The following TRPC7 variants were observed in gnomAD, a reference collection of about 807,000 sequenced individuals.
The protein encoded by TRPC7 is transient receptor potential cation channel subfamily C member 7.
TRPC7 carries 42 observed loss-of-function variants against 90.1 expected under a neutral mutation model. The ratio of observed to expected loss-of-function variants is 0.47; its 90% CI spans 0.36 to 0.60. TRPC7 has a LOEUF of 0.60. TRPC7 is among the 20% of genes least tolerant of loss of function. The probability of loss-of-function intolerance (pLI) is 0.00; values close to 1 mark genes in which losing one functional copy is unlikely to be tolerated. For missense variants in TRPC7, 955 were observed against 1,112.3 expected, an observed-to-expected ratio of 0.86 and a Z score of 2.01; for synonymous variants, 451 against 436.3, an observed-to-expected ratio of 1.03 and a Z score of -0.42.
chr5:136,272,490 A>C (rs1049129090), intron 4 of TRPC7, among the ~76,000 whole-genome samples: 3 of 152,176 alleles, frequency 2.0e-5, no homozygotes, highest in Non-Finnish European at 4.4e-5. Flanking sequence ...AGCAAGTTCA[A>C]CAGCTCTTTA....
chr5:136,283,925 T>G (rs1192498140), intron 3 of TRPC7, among the ~76,000 whole-genome samples: 4 of 152,194 alleles, frequency 2.6e-5, no homozygotes, highest in Admixed American at 2.6e-4. Context: ...TCTTCACATG[T>G]AGAGTGCACA....
intron 3 of TRPC7, among the ~76,000 whole-genome samples, chr5:136,292,738 C>T (rs1305921915): frequency 2.0e-5 from 3 of 152,070 alleles, no homozygotes; most frequent in Non-Finnish European, 4.4e-5. Flanking sequence ...GGTACCATTC[C>T]TTCTGAAACT....
chr5:136,342,839 C>T (rs1009040521), intron 2 of TRPC7, among the ~76,000 whole-genome samples: 1 of 152,126 alleles, frequency 6.6e-6, no homozygotes, highest in Non-Finnish European at 1.5e-5. Flanking sequence ...AACTGGATCT[C>T]CCCACTTCAT....
At chr5:136,228,800 C>A (rs976527665) in intron 8 of TRPC7, among the ~76,000 whole-genome samples, 4 of 152,174 alleles carry the variant, frequency 2.6e-5, no homozygotes, top group Non-Finnish European at 4.4e-5. Context: ...TCCAGTGGTA[C>A]CTTCCATGGT....
Position 136,247,224 on chromosome 5 carries a change from A to ATT in TRPC7, c.1844+245_1844+246dup, listed in dbSNP as rs35253435. Among the ~76,000 whole-genome samples, 79 of 150,110 alleles carry ATT rather than the reference A, an allele frequency of 5.3e-4. No homozygotes were observed. The highest frequency in any genetic ancestry group is 6.8e-4 in the Non-Finnish European group (46 of 67,434). On this transcript the variant is annotated intron_variant, in intron 7 of 11. Coordinates refer to ENST00000513104, the MANE Select transcript of TRPC7 (RefSeq NM_020389.3). This position sits in a 1 kb window ranked among gnomAD's most constrained non-coding sequence, Gnocchi z 4.2. ...AGAAAACGTAGCATTCCTACATGTG[A>ATT]TTTTTTTTTTTCTAAATGGGAACAT...
intron 2 of TRPC7, among the ~76,000 whole-genome samples, chr5:136,319,112 C>G: frequency 6.6e-6 from 1 of 152,190 alleles, no homozygotes; most frequent in East Asian, 1.9e-4. Flanking sequence ...CTCTCCTACT[C>G]TCCTAAATAG....
intron 3 of TRPC7, among the ~76,000 whole-genome samples, chr5:136,292,913 G>A (rs1158183972): frequency 4.6e-5 from 7 of 152,088 alleles, no homozygotes; most frequent in Non-Finnish European, 7.4e-5. Context: ...CTGGCAAATC[G>A]AATCCAGCAA....
chr5:136,214,442 A>C (rs1200519354), intron 11 of TRPC7: 1 of 152,212 alleles, frequency 6.6e-6, no homozygotes, highest in Non-Finnish European at 1.5e-5. Flanking sequence ...TATACACATA[A>C]AAGGCAGAGA....
At chr5:136,291,553 A>G (rs1757952500) in intron 3 of TRPC7, among the ~76,000 whole-genome samples, 1 of 152,232 alleles carries the variant, frequency 6.6e-6, no homozygotes, top group Non-Finnish European at 1.5e-5. Context: ...GAAGGCCATT[A>G]CGTAACGGTA....
At chr5:136,271,123 T>C (rs1257647516) in intron 4 of TRPC7, among the ~76,000 whole-genome samples, 1 of 152,156 alleles carries the variant, frequency 6.6e-6, no homozygotes, top group Non-Finnish European at 1.5e-5. Flanking sequence ...CCTTACTAGA[T>C]ATTCATGTTT....
At chr5:136,228,132 A>G (rs910559844) in intron 8 of TRPC7, among the ~76,000 whole-genome samples, 2 of 152,194 alleles carry the variant, frequency 1.3e-5, no homozygotes, top group African/African-American at 4.8e-5. Flanking sequence ...CAGCTATTCA[A>G]CAGCTAGTTA....
intron 3 of TRPC7, among the ~76,000 whole-genome samples, chr5:136,308,305 C>T (rs1356071734): frequency 1.3e-5 from 2 of 152,194 alleles, no homozygotes; most frequent in Non-Finnish European, 2.9e-5. Flanking sequence ...TAGAGGAATT[C>T]CCAAAGAGGA....
At chr5:136,287,217 C>T (rs1757749277) in intron 3 of TRPC7, among the ~76,000 whole-genome samples, 1 of 152,102 alleles carries the variant, frequency 6.6e-6, no homozygotes, top group Non-Finnish European at 1.5e-5. Context: ...TTCCCTTCCA[C>T]CTCTTTAGGA....
intron 2 of TRPC7, among the ~76,000 whole-genome samples, chr5:136,316,674 A>G (rs1168277690): frequency 2.0e-5 from 3 of 152,086 alleles, no homozygotes; most frequent in Non-Finnish European, 2.9e-5. Context: ...CCCTAAACAA[A>G]CTGCTTAAGT....
rs565522086 is a variant in TRPC7 at position 136,356,759 on chromosome 5, T to C, written c.629A>G (p.Asp210Gly). The C allele has an allele frequency of 1.2e-6, 2 of 1,611,564 alleles. No homozygotes were observed. The highest frequency in any genetic ancestry group is 2.7e-5 in the African/African-American group (2 of 74,710). ...GCGCGAGCGCGAGTGGCTGAAGGAG[T>C]CTTTCCGCTGTTTCTCGGTGCACTC... The part of the protein sequence containing the change: ...CNECTEKQRK[D>G]SFSHSRSRMN... Residue 210 changes from aspartate (D) to glycine (G), a missense_variant, in exon 2 of 12, where the codon GAC (aspartate) becomes GGC (glycine). Around this residue, in one of 4 missense-constraint regions of TRPC7, gnomAD observed 484 missense variants for 509.6 expected, o/e 0.95. Coordinates refer to ENST00000513104, the MANE Select transcript of TRPC7 (RefSeq NM_020389.3).
At chr5:136,274,444 GT>G (rs1490863765) in intron 4 of TRPC7, among the ~76,000 whole-genome samples, 1 of 151,450 alleles carries the variant, frequency 6.6e-6, no homozygotes, top group African/African-American at 2.4e-5. Flanking sequence ...TGCCTCTCGT[GT>G]TTAAAATTTT....
At chr5:136,219,780 C>A (rs1327282893) in intron 10 of TRPC7, among the ~76,000 whole-genome samples, 2 of 152,312 alleles carry the variant, frequency 1.3e-5, no homozygotes, top group East Asian at 3.9e-4. Flanking sequence ...ACCAAAAAAA[C>A]TTCATGTCCT....
chr5:136,226,079 G>T lies in TRPC7; in HGVS notation c.2217C>A (p.Ser739Arg). The change falls in exon 9 of 12, where the codon AGC becomes AGA. Residue 739 changes from serine to arginine, a missense_variant. Around this residue, in one of 4 missense-constraint regions of TRPC7, gnomAD observed 296 missense variants for 422.7 expected, o/e 0.70. Transcript: ENST00000513104. Reference sequence around the variant, plus strand: ...TGCCCATTTCAAGGTCATTTTCACAGCTTTTGGCCTTAGATTTGCAGAGTT... The same window carrying T: ...TGCCCATTTCAAGGTCATTTTCACATCTTTTGGCCTTAGATTTGCAGAGTT... ...LIKLCKSKAK[S>R]CENDLEMGML... The T allele has an allele frequency of 6.2e-7, 1 of 1,605,050 alleles. No homozygotes were observed.
chr5:136,228,133 C>T (rs1371022508), intron 8 of TRPC7, among the ~76,000 whole-genome samples: 2 of 152,204 alleles, frequency 1.3e-5, no homozygotes, highest in Non-Finnish European at 2.9e-5. Context: ...AGCTATTCAA[C>T]AGCTAGTTAG....
Sources: gnomAD v4.1 joint callset for allele counts (sites outside exome capture counted in the v4.1 genomes callset) on GRCh38, gnomAD v4.1.1 for gene constraint, gnomAD v4.1.1 regional missense constraint, Gnocchi (gnomAD v3.1) non-coding constraint, MANE v1.5 for transcripts, NCBI Gene and HGNC (gene_info 2026-07-23, HGNC 2026-07-21) for gene names.